Variants in SIAH2 observed in about 807,000 individuals in gnomAD.
The protein encoded by SIAH2 is siah E3 ubiquitin protein ligase 2.
A neutral mutation model predicts 20.4 loss-of-function variants in SIAH2; 4 were observed. That is an observed-to-expected ratio of 0.20 (90% CI 0.10 to 0.45). The LOEUF is 0.45. Among genes scored for constraint, SIAH2 ranks in the 20% least tolerant of loss-of-function variants. SIAH2 has a pLI of 0.99. For missense variants in SIAH2, 259 were observed against 440.3 expected (o/e 0.59, Z 3.69); for synonymous variants, 171 against 192.5 (o/e 0.89, Z 0.93).
In SIAH2 at chr3:150,741,592, A is replaced by G. The variant is rs1369322462; in HGVS notation, c.*549T>C. 1 of 152,484 alleles carries G rather than the reference A, an allele frequency of 6.6e-6. No individual in the cohort carries two copies. 9.4% of individuals were successfully genotyped at this position (152,484 alleles called of 1,614,324 possible). On this transcript the variant is annotated 3_prime_UTR_variant, in exon 2 of 2. Transcript: ENST00000312960. The stretch of plus-strand genomic sequence containing the variant: ...TAATTCTCAAACATTACTGTTGAAA[A>G]GAATCACCTGATGAGACTGTTAAAT...
chr3:150,753,518 C>T (rs964856503), intron 1 of SIAH2, among the ~76,000 whole-genome samples: 4 of 152,166 alleles, frequency 2.6e-5, no homozygotes, highest in Admixed American at 6.5e-5. Flanking sequence ...TTTCTCAGGC[C>T]GGGTGTGGCG....
intron 1 of SIAH2, among the ~76,000 whole-genome samples, chr3:150,758,441 C>A (rs989471128): frequency 6.6e-6 from 1 of 151,912 alleles, no homozygotes; most frequent in African/African-American, 2.4e-5. Context: ...TCCCCCTAAA[C>A]CCACACACTG....
At chr3:150,753,047 A>G (rs566937551) in intron 1 of SIAH2, among the ~76,000 whole-genome samples, 49 of 152,288 alleles carry the variant, frequency 3.2e-4, no homozygotes, top group African/African-American at 1.1e-3. Context: ...CCTCCTTATG[A>G]GCTTCCATCC....
chr3:150,742,586 C>A lies in SIAH2; in HGVS notation c.530G>T (p.Trp177Leu), dbSNP rs1409266123. The change falls in exon 2 of 2, where the codon TGG becomes TTG. Residue 177 changes from tryptophan to leucine, a missense_variant. Physicochemically the swap from Trp to Leu is moderately conservative, Grantham distance 61. Coordinates refer to ENST00000312960, the MANE Select transcript of SIAH2 (RefSeq NM_005067.7). This position sits in a 1 kb window ranked among gnomAD's most constrained non-coding sequence, Gnocchi z 4.8. ...SCPCPGASCK[W>L]QGSLEAVMSH... ...CATCACAGCTTCCAGGGACCCCTGC[C>A]ACTTGCAGGAAGCACCAGGACATGG... 6.2e-7 allele frequency: 1 copy of A among 1,613,624 alleles called. No homozygotes were observed.
At position 150,762,929 on chromosome 3, in the gene SIAH2, G is replaced by A; in HGVS notation, c.-80C>T. 1 of 1,115,208 alleles carries A rather than the reference G, an allele frequency of 9.0e-7. No homozygotes were observed. The highest frequency in any genetic ancestry group is 1.1e-6 in the Non-Finnish European group (1 of 905,722). 69.1% of individuals were successfully genotyped at this position (1,115,208 alleles called of 1,614,324 possible). ...GGGTCAAGGCGGTGCGCGCCCCGCG[G>A]GCAGCGAGCTCCGAGGCAACGCCAC... is the stretch of plus-strand genomic sequence containing the variant. On this transcript the variant is annotated 5_prime_UTR_variant, in exon 1 of 2. Coordinates refer to ENST00000312960, the MANE Select transcript of SIAH2 (RefSeq NM_005067.7). This position sits in a 1 kb window ranked among gnomAD's most constrained non-coding sequence, Gnocchi z 6.6.
At chr3:150,748,650 C>A (rs549701079) in intron 1 of SIAH2, among the ~76,000 whole-genome samples, 1 of 152,292 alleles carries the variant, frequency 6.6e-6, no homozygotes, top group Admixed American at 6.5e-5. Context: ...CCTGCTAGCA[C>A]CTCAAATGAG....
intron 1 of SIAH2, among the ~76,000 whole-genome samples, chr3:150,759,834 C>T (rs1285629698): frequency 2.6e-5 from 4 of 152,192 alleles, no homozygotes; most frequent in Admixed American, 1.3e-4. Context: ...CAAGCAGATT[C>T]ATCTCTCATT....
At chr3:150,758,636 T>A (rs564467420) in intron 1 of SIAH2, among the ~76,000 whole-genome samples, 1 of 147,364 alleles carries the variant, frequency 6.8e-6, no homozygotes, top group African/African-American at 2.5e-5. Flanking sequence ...AGTGGCACAA[T>A]CTCAGCTCAC....
At chr3:150,750,063 T>C (rs1714324063) in intron 1 of SIAH2, among the ~76,000 whole-genome samples, 1 of 152,222 alleles carries the variant, frequency 6.6e-6, no homozygotes, top group Admixed American at 6.5e-5. Flanking sequence ...TATAATTTAT[T>C]ATGTATGATT....
intron 1 of SIAH2, among the ~76,000 whole-genome samples, chr3:150,753,406 A>G (rs1054110223): frequency 1.3e-5 from 2 of 152,206 alleles, no homozygotes; most frequent in Non-Finnish European, 2.9e-5. Flanking sequence ...AGAAAACCAA[A>G]AGGTAACACC....
Position 150,741,868 on chromosome 3 carries a change from G to A in SIAH2, c.*273C>T, listed in dbSNP as rs182805323. 6.3e-5 allele frequency: 24 copies of A among 379,626 alleles called. No homozygotes were observed. The highest frequency in any genetic ancestry group is 4.4e-4 in the African/African-American group (21 of 48,006). The allele number at this position is 379,626 out of a possible 1,614,324, so 23.5% of individuals were successfully genotyped here. On this transcript the variant is annotated 3_prime_UTR_variant, in exon 2 of 2. Transcript: ENST00000312960. ...TGATCTATAGAAGCCCTGTGCAACA[G>A]CCTGTCAAGTGTTGTTTAGGGAGTA...
intron 1 of SIAH2, among the ~76,000 whole-genome samples, chr3:150,754,264 C>T (rs1478227953): frequency 1.3e-5 from 2 of 152,194 alleles, no homozygotes; most frequent in African/African-American, 2.4e-5. Flanking sequence ...GTGGCTTCTG[C>T]TTCTAGGGAG....
intron 1 of SIAH2, among the ~76,000 whole-genome samples, chr3:150,759,870 T>C (rs1714566285): frequency 6.6e-6 from 1 of 152,188 alleles, no homozygotes; most frequent in Non-Finnish European, 1.5e-5. Context: ...ATCAAGGCCC[T>C]GGGAGGTGGT....
At chr3:150,755,975 A>G (rs1290417116) in intron 1 of SIAH2, among the ~76,000 whole-genome samples, 2 of 152,210 alleles carry the variant, frequency 1.3e-5, no homozygotes, top group Non-Finnish European at 2.9e-5. Flanking sequence ...CCATCTGTAT[A>G]TCACCTGTGG....
chr3:150,755,144 GGGC>G (rs1714456503), intron 1 of SIAH2, among the ~76,000 whole-genome samples: 1 of 151,978 alleles, frequency 6.6e-6, no homozygotes, highest in African/African-American at 2.4e-5. Flanking sequence ...AGTCACAGTG[GGGC>G]TGGAGTTGGG....
intron 1 of SIAH2, among the ~76,000 whole-genome samples, chr3:150,749,596 T>C (rs1714312329): frequency 6.6e-6 from 1 of 152,202 alleles, no homozygotes; most frequent in African/African-American, 2.4e-5. Flanking sequence ...TTATGCAGAA[T>C]TGGTTGAATG....
intron 1 of SIAH2, among the ~76,000 whole-genome samples, chr3:150,749,395 C>G (rs1350004167): frequency 6.6e-6 from 1 of 151,874 alleles, no homozygotes; most frequent in Non-Finnish European, 1.5e-5. Flanking sequence ...GTCCCGGCTA[C>G]TAGGAGGGCA....
rs1714661590 is a variant in SIAH2, at chr3:150,762,979, CG to C, written c.-131del. ...CGGCGCCCAGCCCAGGTCCGGGCGG[CG>C]GAGACGCTCGGCGCCCGGCAGGCGG... On this transcript the variant is annotated 5_prime_UTR_variant, in exon 1 of 2. Transcript: ENST00000312960. The surrounding 1 kb of genome is among the most constrained non-coding windows in gnomAD (Gnocchi z 6.6). The C allele has an allele frequency of 9.8e-7, 1 of 1,023,940 alleles. No homozygotes were observed. The highest frequency in any genetic ancestry group is 1.7e-5 in the African/African-American group (1 of 58,080). 63.4% of individuals were successfully genotyped at this position (1,023,940 alleles called of 1,614,324 possible).
At chr3:150,747,830 G>A (rs552184328) in intron 1 of SIAH2, among the ~76,000 whole-genome samples, 1 of 152,050 alleles carries the variant, frequency 6.6e-6, no homozygotes, top group African/African-American at 2.4e-5. Flanking sequence ...CGGTTGTGGT[G>A]GTGGGCACCT....
Sources: gnomAD v4.1 joint callset for allele counts (sites outside exome capture counted in the v4.1 genomes callset) on GRCh38, gnomAD v4.1.1 for gene constraint, Gnocchi (gnomAD v3.1) non-coding constraint, MANE v1.5 for transcripts, NCBI Gene and HGNC (gene_info 2026-07-23, HGNC 2026-07-21) for gene names.